Variants in SLCO3A1 observed in about 807,000 individuals in gnomAD.
SLCO3A1 encodes the protein solute carrier organic anion transporter family member 3A1.
SLCO3A1 carries 27 observed loss-of-function variants against 63.1 expected under a neutral mutation model. The observed-to-expected ratio is 0.43, with a 90% CI of 0.32 to 0.59. The LOEUF is 0.59. Ranked by LOEUF, SLCO3A1 falls within the 20% of genes least tolerant of loss-of-function variation. The pLI, the probability that SLCO3A1 is intolerant of heterozygous loss-of-function variation, is 0.09. For synonymous variants in SLCO3A1, 473 were observed against 409.9 expected (o/e 1.15, Z -1.86); for missense variants, 773 against 945.8 (o/e 0.82, Z 2.40).
At chr15:91,876,672 G>A (rs1472259867) in intron 1 of SLCO3A1, among the ~76,000 whole-genome samples, 1 of 152,222 alleles carries the variant, frequency 6.6e-6, no homozygotes, top group East Asian at 1.9e-4. Flanking sequence ...TGGATAAGTG[G>A]TAGGTTCCGG....
exon 11 of SLCO3A1, chr15:92,172,176 A>G (rs1031907688): frequency 4.0e-6 from 1 of 251,094 alleles, no homozygotes. Flanking sequence ...GCTTGCCGAC[A>G]TGCTTTAGAA....
intron 2 of SLCO3A1, among the ~76,000 whole-genome samples, chr15:91,924,286 T>G (rs1394384368): frequency 6.6e-6 from 1 of 152,218 alleles, no homozygotes; most frequent in Non-Finnish European, 1.5e-5. Context: ...AGTTAGTGTT[T>G]CCAGATCTTC....
At position 91,854,384 on chromosome 15, in the gene SLCO3A1, C is replaced by T; in HGVS notation, c.180+296C>T. On this transcript the variant is annotated intron_variant, in intron 1 of 9. Coordinates refer to ENST00000318445, the MANE Select transcript of SLCO3A1 (RefSeq NM_013272.4). This position sits in a 1 kb window ranked among gnomAD's most constrained non-coding sequence, Gnocchi z 6.4. ...GGCAGGTGGGCGTGAAACTATTCCT[C>T]TCCCCCCATAAGAGCGGAGCGAGAC... is the stretch of plus-strand genomic sequence containing the variant. 2 of 1,067,612 alleles carry T rather than the reference C, an allele frequency of 1.9e-6. No homozygotes were observed. Among genetic ancestry groups the T allele is most frequent in the Non-Finnish European group, 2.3e-6 (2 of 884,610 alleles). 66.1% of individuals were successfully genotyped at this position (1,067,612 alleles called of 1,614,324 possible).
chr15:92,132,142 G>T (rs1483000388), intron 7 of SLCO3A1, among the ~76,000 whole-genome samples: 2 of 145,308 alleles, frequency 1.4e-5, no homozygotes, highest in Non-Finnish European at 3.1e-5. Flanking sequence ...AGGTTGGATG[G>T]TGCCAGTTTC....
At chr15:92,139,371 G>A (rs1245245084) in intron 7 of SLCO3A1, among the ~76,000 whole-genome samples, 16 of 151,678 alleles carry the variant, frequency 1.1e-4, no homozygotes, top group Non-Finnish European at 1.3e-4. Context: ...TGCTGGATTC[G>A]TTTTGCCAGT....
intron 9 of SLCO3A1, among the ~76,000 whole-genome samples, chr15:92,158,270 C>A (rs139385384): frequency 2.1e-3 from 320 of 152,286 alleles, no homozygotes; most frequent in African/African-American, 7.4e-3. Flanking sequence ...AAGCCAGTTA[C>A]GCCAGGAGCT....
In SLCO3A1 at chr15:92,106,448, A is replaced by T. The variant is rs554386564; in HGVS notation, c.1009+1906A>T. Among the ~76,000 whole-genome samples, 5 of 152,202 alleles carry T rather than the reference A, an allele frequency of 3.3e-5. No homozygotes were observed. The South Asian group carries it at 1.0e-3, about 32-fold the overall frequency. On this transcript the variant is annotated intron_variant, in intron 4 of 9. Transcript: ENST00000318445. ...GAGTGATGCCTGAGACTCCCCTAAT[A>T]GCCATCCATAGAAAGTGTCCTGGTA...
intron 2 of SLCO3A1, among the ~76,000 whole-genome samples, chr15:91,976,916 G>A (rs987090995): frequency 2.0e-5 from 3 of 152,116 alleles, no homozygotes; most frequent in South Asian, 2.1e-4. Flanking sequence ...GGACCGGGGC[G>A]AAATTAAAAT....
At position 91,912,673 on chromosome 15, in the gene SLCO3A1, T is replaced by C. The variant is rs1036174726; in HGVS notation, c.181-3320T>C. ...ATGTCATGAGGCATCATGGCAAAAA[T>C]GAGATACAGCTTCTGTTCTCTCCCT... is the stretch of plus-strand genomic sequence containing the variant. On this transcript the variant is annotated intron_variant, in intron 1 of 9. Transcript: ENST00000318445. This position sits in a 1 kb window ranked among gnomAD's most constrained non-coding sequence, Gnocchi z 5.0. 4.6e-5 allele frequency among the ~76,000 whole-genome samples: 7 copies of C among 152,190 alleles called. No individual in the cohort carries two copies. The highest frequency in any genetic ancestry group is 1.7e-4 in the African/African-American group (7 of 41,450).
intron 1 of SLCO3A1, among the ~76,000 whole-genome samples, chr15:91,873,561 C>CACACAT (rs929067342): frequency 9.2e-5 from 14 of 151,578 alleles, no homozygotes; most frequent in Non-Finnish European, 1.0e-4. Context: ...CACACACACA[C>CACACAT]ACACATACAT....
At chr15:92,151,195 C>T (rs113367462) in intron 9 of SLCO3A1, 181 bp downstream of exon 9, 7 of 556,312 alleles carry the variant, frequency 1.3e-5, no homozygotes, top group South Asian at 4.9e-5. Flanking sequence ...GACACTGCCT[C>T]GATATCACGA....
At chr15:91,992,351 C>A (rs1356533025) in intron 2 of SLCO3A1, among the ~76,000 whole-genome samples, 1 of 152,198 alleles carries the variant, frequency 6.6e-6, no homozygotes, top group African/African-American at 2.4e-5. Context: ...GCTTTCACTG[C>A]ACATTCATAC....
chr15:91,929,225 T>G (rs1899137519), intron 2 of SLCO3A1, among the ~76,000 whole-genome samples: 1 of 152,116 alleles, frequency 6.6e-6, no homozygotes, highest in Non-Finnish European at 1.5e-5. Flanking sequence ...ACACGATGGA[T>G]GGATTGGGAG....
chr15:91,962,809 A>G (rs1399550610), intron 2 of SLCO3A1, among the ~76,000 whole-genome samples: 1 of 152,130 alleles, frequency 6.6e-6, no homozygotes. Flanking sequence ...CGAGATGCAG[A>G]TGAGCTGGGA....
chr15:91,995,793 T>C (rs1256556728), intron 2 of SLCO3A1, among the ~76,000 whole-genome samples: 1 of 143,362 alleles, frequency 7.0e-6, no homozygotes, highest in Admixed American at 6.9e-5. Context: ...AAAAAAAAGT[T>C]CATAAAGTAT....
In SLCO3A1 at chr15:92,104,388, T is replaced by G; in HGVS notation, c.855T>G (p.Phe285Leu). 1 of 1,614,160 alleles carries G rather than the reference T, an allele frequency of 6.2e-7. No individual in the cohort carries two copies. Among genetic ancestry groups the G allele is most frequent in the Non-Finnish European group, 8.5e-7 (1 of 1,180,028 alleles). The change falls in exon 4 of 10, where the codon TTT becomes TTG. Residue 285 changes from phenylalanine (F) to leucine (L), a missense_variant. Transcript: ENST00000318445. ...LFFSSLLMFG[F>L]PQSLPPHSEP... ...TCTCTTCCCTCTTGATGTTTGGGTT[T>G]CCACAGTCCCTGCCCCCGCACTCAG...
intron 2 of SLCO3A1, among the ~76,000 whole-genome samples, chr15:91,917,651 C>A (rs767946460): frequency 1.3e-5 from 2 of 151,872 alleles, no homozygotes; most frequent in African/African-American, 2.4e-5. Flanking sequence ...ACCTATGGAA[C>A]AAAGGGGAAG....
intron 9 of SLCO3A1, among the ~76,000 whole-genome samples, chr15:92,159,767 G>A (rs1010671456): frequency 3.3e-5 from 5 of 151,802 alleles, no homozygotes; most frequent in African/African-American, 1.2e-4. Flanking sequence ...AGATATAATT[G>A]GCATATTTAT....
At chr15:91,990,178 T>C (rs2046108692) in intron 2 of SLCO3A1, among the ~76,000 whole-genome samples, 1 of 152,190 alleles carries the variant, frequency 6.6e-6, no homozygotes, top group African/African-American at 2.4e-5. Context: ...AGTGGGACTA[T>C]TTACAATGTA....
Sources: gnomAD v4.1 joint callset for allele counts (sites outside exome capture counted in the v4.1 genomes callset) on GRCh38, gnomAD v4.1.1 for gene constraint, Gnocchi (gnomAD v3.1) non-coding constraint, MANE v1.5 for transcripts, NCBI Gene and HGNC (gene_info 2026-07-23, HGNC 2026-07-21) for gene names.